The following NKAIN1 variants were observed in gnomAD, a reference collection of about 807,000 sequenced individuals.
The protein encoded by NKAIN1 is sodium/potassium-transporting ATPase subunit beta-1-interacting protein 1.
Under a neutral mutation model 31.6 loss-of-function variants are expected in NKAIN1, and 13 were observed. That is an observed-to-expected ratio of 0.41 (90% CI 0.27 to 0.65). The LOEUF (loss-of-function observed/expected upper bound fraction) is 0.65, where lower values mean the gene tolerates loss of function less well. NKAIN1 is among the 30% of genes least tolerant of loss of function. The pLI is 0.30. For missense variants in NKAIN1, 193 were observed against 262.2 expected (o/e 0.74, Z 1.82); for synonymous variants, 104 against 109.0 (o/e 0.95, Z 0.28).
At chr1:31,202,333 C>T (rs1570461295) in intron 1 of NKAIN1, among the ~76,000 whole-genome samples, 1 of 152,150 alleles carries the variant, frequency 6.6e-6, no homozygotes, top group South Asian at 2.1e-4. Flanking sequence ...TTGCATAAAT[C>T]CTGGGCCAAA....
chr1:31,191,336 C>G (rs1645283900), intron 1 of NKAIN1, among the ~76,000 whole-genome samples: 1 of 149,166 alleles, frequency 6.7e-6, no homozygotes, highest in South Asian at 2.1e-4. Context: ...CATCTCCAGC[C>G]AAAGTGGTAC....
chr1:31,217,013 G>T (rs983095014), intron 1 of NKAIN1, among the ~76,000 whole-genome samples: 1 of 152,124 alleles, frequency 6.6e-6, no homozygotes, highest in African/African-American at 2.4e-5. Flanking sequence ...TTACAGGCGT[G>T]TGCCACCACG....
chr1:31,224,981 C>T (rs1178263149), intron 1 of NKAIN1, among the ~76,000 whole-genome samples: 1 of 151,680 alleles, frequency 6.6e-6, no homozygotes, highest in Non-Finnish European at 1.5e-5. Context: ...ATACCCTTGA[C>T]TTAGACTGTG....
At chr1:31,202,644 T>C (rs1221331936) in intron 1 of NKAIN1, among the ~76,000 whole-genome samples, 2 of 129,278 alleles carry the variant, frequency 1.5e-5, no homozygotes, top group African/African-American at 5.9e-5. Flanking sequence ...GCCACCGCAC[T>C]CCAGCCTGGG....
chr1:31,225,028 C>CTTTTTTTTTT (rs1645592013), intron 1 of NKAIN1, among the ~76,000 whole-genome samples: 1 of 112,596 alleles, frequency 8.9e-6, no homozygotes, highest in Non-Finnish European at 1.7e-5. Flanking sequence ...TTTTTCTTTT[C>CTTTTTTTTTT]TTTTCTTTTT....
At chr1:31,220,206 G>A (rs1357634662) in intron 1 of NKAIN1, among the ~76,000 whole-genome samples, 2 of 148,780 alleles carry the variant, frequency 1.3e-5, no homozygotes, top group East Asian at 2.0e-4. Flanking sequence ...TAGTACAGAC[G>A]GGGTTTCTCC....
chr1:31,193,309 C>A (rs533351783), intron 1 of NKAIN1, among the ~76,000 whole-genome samples: 61 of 151,490 alleles, frequency 4.0e-4, no homozygotes, highest in African/African-American at 1.4e-3. Context: ...ACTTTGTGAT[C>A]CACCCGCCTC....
chr1:31,221,277 C>T (rs1417977199), intron 1 of NKAIN1, among the ~76,000 whole-genome samples: 1 of 152,136 alleles, frequency 6.6e-6, no homozygotes, highest in Non-Finnish European at 1.5e-5. Flanking sequence ...CAAGCCTGGG[C>T]AGGCTTTCAG....
chr1:31,218,274 G>A (rs909344673), intron 1 of NKAIN1, among the ~76,000 whole-genome samples: 3 of 151,946 alleles, frequency 2.0e-5, no homozygotes, highest in Admixed American at 2.0e-4. Flanking sequence ...ATGTTGGCCA[G>A]GATGGTCTCG....
Position 31,231,675 on chromosome 1 carries a change from C to T in NKAIN1, c.54+7819G>A, listed in dbSNP as rs1035543364. Among the ~76,000 whole-genome samples the T allele has an allele frequency of 7.6e-5, 11 of 144,646 alleles. No homozygotes were observed. In the East Asian group the frequency reaches 1.2e-3, roughly 16 times the overall value. 94.9% of individuals were successfully genotyped at this position (144,646 alleles called of 152,430 possible). A position where few individuals can be genotyped will look rare whatever the true frequency, so the allele number is the denominator to read the frequency against. ...CCTCCCGAGTAGCTGGAACTACAGG[C>T]GCCCGCCACCACGCCCGGCTAATTT... On this transcript the variant is annotated intron_variant, in intron 1 of 6. Transcript: ENST00000373736.
intron 1 of NKAIN1, among the ~76,000 whole-genome samples, chr1:31,226,679 C>G (rs1645610322): frequency 6.6e-6 from 1 of 152,136 alleles, no homozygotes; most frequent in Non-Finnish European, 1.5e-5. Context: ...CGTGCACCAC[C>G]ACACCCAGCT....
At chr1:31,211,506 C>T (rs1466898955) in intron 1 of NKAIN1, among the ~76,000 whole-genome samples, 3 of 151,948 alleles carry the variant, frequency 2.0e-5, no homozygotes, top group African/African-American at 7.2e-5. Context: ...TTAAAGAAGA[C>T]CCAAATTTAT....
rs1317168676 is a variant in NKAIN1 at position 31,233,608 on chromosome 1, C to G, written c.54+5886G>C. Among the ~76,000 whole-genome samples the G allele has an allele frequency of 6.6e-6, 1 of 152,168 alleles. No individual in the cohort carries two copies. Among genetic ancestry groups the G allele is most frequent in the Non-Finnish European group, 1.5e-5 (1 of 68,030 alleles). On this transcript the variant is annotated intron_variant, in intron 1 of 6. Transcript: ENST00000373736. The surrounding 1 kb of genome is among the most constrained non-coding windows in gnomAD (Gnocchi z 4.0). ...AAGAAATTCTCATTATGTTAATTTC[C>G]CACTCAGCCCCATATTTTCCACATA...
rs1007605455 is a variant in NKAIN1 at position 31,180,797 on chromosome 1, T to C, written c.*906A>G. ...GAGTGTAGGAAGGCTTCTCTGTGGG[T>C]GGGGCTGAATTTGGGGCTTCATCCA... On this transcript the variant is annotated 3_prime_UTR_variant, in exon 7 of 7. Coordinates refer to ENST00000373736, the MANE Select transcript of NKAIN1 (RefSeq NM_024522.3). 3.3e-5 allele frequency: 5 copies of C among 152,192 alleles called. No homozygotes were observed. Among genetic ancestry groups the C allele is most frequent in the African/African-American group, 1.2e-4 (5 of 41,402 alleles). 9.4% of individuals were successfully genotyped at this position (152,192 alleles called of 1,614,324 possible).
intron 1 of NKAIN1, among the ~76,000 whole-genome samples, chr1:31,215,377 A>T (rs1645503144): frequency 6.6e-6 from 1 of 152,126 alleles, no homozygotes; most frequent in African/African-American, 2.4e-5. Context: ...TTTCCAGTGG[A>T]GAATCACAGC....
intron 1 of NKAIN1, among the ~76,000 whole-genome samples, chr1:31,223,505 C>T (rs1489613606): frequency 6.6e-6 from 1 of 151,948 alleles, no homozygotes; most frequent in African/African-American, 2.4e-5. Context: ...AGTGCAGTGG[C>T]GCGATCTCCG....
intron 1 of NKAIN1, among the ~76,000 whole-genome samples, chr1:31,198,433 G>A (rs1382642336): frequency 2.0e-5 from 3 of 152,108 alleles, no homozygotes; most frequent in South Asian, 2.1e-4. Flanking sequence ...TGGGCCCCAC[G>A]ATGTGTCCAG....
At chr1:31,228,378 T>C (rs1645623414) in intron 1 of NKAIN1, among the ~76,000 whole-genome samples, 1 of 152,112 alleles carries the variant, frequency 6.6e-6, no homozygotes, top group African/African-American at 2.4e-5. Flanking sequence ...TTTCCCCTAC[T>C]GCCTGTACCA....
intron 3 of NKAIN1, among the ~76,000 whole-genome samples, chr1:31,184,880 A>G (rs997847471): frequency 2.0e-5 from 3 of 152,098 alleles, no homozygotes; most frequent in Non-Finnish European, 4.4e-5. Flanking sequence ...TTGTGGTCTA[A>G]GCACTACAAA....
Sources: allele counts gnomAD v4.1 joint callset (sites outside exome capture counted in the v4.1 genomes callset), GRCh38; gene constraint gnomAD v4.1.1; non-coding constraint Gnocchi (gnomAD v3.1); transcripts MANE v1.5; gene names NCBI Gene and HGNC (gene_info 2026-07-23, HGNC 2026-07-21).